The following KCNAB1 variants were observed in gnomAD, a reference collection of about 807,000 sequenced individuals.
KCNAB1 encodes the protein voltage-gated potassium channel subunit beta-1.
KCNAB1 carries 35 observed loss-of-function variants against 64.6 expected under a neutral mutation model. That is an observed-to-expected ratio of 0.54 (90% confidence interval 0.41 to 0.72). The LOEUF (loss-of-function observed/expected upper bound fraction) is 0.72, where lower values mean the gene tolerates loss of function less well. Ranked by LOEUF, KCNAB1 falls within the 30% of genes least tolerant of loss-of-function variation. KCNAB1 has a pLI of 0.00. For synonymous variants in KCNAB1, 177 were observed against 183.8 expected (o/e 0.96, Z 0.30); for missense variants, 401 against 512.9 (o/e 0.78, Z 2.11).
chr3:156,166,769 A>T (rs980373326), intron 1 of KCNAB1, among the ~76,000 whole-genome samples: 6 of 152,326 alleles, frequency 3.9e-5, no homozygotes, highest in Middle Eastern at 3.4e-3. Context: ...GTATGGAGTG[A>T]ATAAATTGGT....
chr3:156,424,156 A>C (rs571802035), intron 2 of KCNAB1, among the ~76,000 whole-genome samples: 122 of 152,186 alleles, frequency 8.0e-4, no homozygotes, highest in Admixed American at 8.5e-4. Flanking sequence ...CTCACTAAAA[A>C]GTACAGCAAA....
chr3:156,366,207 T>G (rs1165049362), intron 1 of KCNAB1, among the ~76,000 whole-genome samples: 1 of 152,234 alleles, frequency 6.6e-6, no homozygotes. Flanking sequence ...TGAAACTGTA[T>G]GTTCACTCCT....
In KCNAB1 at chr3:156,515,202, G is replaced by A; in HGVS notation, c.847G>A (p.Glu283Lys). 6.2e-7 allele frequency: 1 copy of A among 1,612,268 alleles called. No homozygotes were observed. Among genetic ancestry groups the A allele is most frequent in the Non-Finnish European group, 8.5e-7 (1 of 1,179,306 alleles). Residue 283 changes from glutamate (E) to lysine (K), a missense_variant, in exon 10 of 14, where the codon GAG becomes AAG. Glu to Lys is a moderately conservative substitution (Grantham distance 56). Coordinates refer to ENST00000490337, the MANE Select transcript of KCNAB1 (RefSeq NM_172160.3). The part of the protein sequence containing the change: ...QREKVEVQLP[E>K]LYHKIGVGAM... ...AGAGAAAGTGGAGGTCCAGCTGCCA[G>A]AGCTCTACCACAAAATAGGTAATCT...
chr3:156,482,003 T>C (rs1471183709), intron 8 of KCNAB1, among the ~76,000 whole-genome samples: 1 of 152,142 alleles, frequency 6.6e-6, no homozygotes, highest in Non-Finnish European at 1.5e-5. Flanking sequence ...TCCAAGGCCC[T>C]GAAATTATAA....
intron 2 of KCNAB1, among the ~76,000 whole-genome samples, chr3:156,450,867 C>G (rs937741742): frequency 6.6e-5 from 10 of 150,694 alleles, no homozygotes; most frequent in Admixed American, 6.0e-4. Context: ...CCACCCACCC[C>G]CCCCCAAAAA....
intron 1 of KCNAB1, among the ~76,000 whole-genome samples, chr3:156,206,544 G>A (rs959757195): frequency 4.6e-5 from 7 of 152,194 alleles, no homozygotes; most frequent in Non-Finnish European, 8.8e-5. Flanking sequence ...CAAGGCTAAA[G>A]CTAGTTCTGC....
At chr3:156,368,059 A>G (rs955603411) in intron 1 of KCNAB1, among the ~76,000 whole-genome samples, 2 of 152,234 alleles carry the variant, frequency 1.3e-5, no homozygotes, top group Admixed American at 6.5e-5. Flanking sequence ...TATCACAGAA[A>G]AGATGGAATG....
At chr3:156,175,214 A>G (rs902333842) in intron 1 of KCNAB1, among the ~76,000 whole-genome samples, 3 of 152,226 alleles carry the variant, frequency 2.0e-5, no homozygotes, top group African/African-American at 7.2e-5. Context: ...AAATACAGAA[A>G]GAAAATATCC....
intron 1 of KCNAB1, among the ~76,000 whole-genome samples, chr3:156,220,676 C>A (rs975291460): frequency 1.3e-5 from 2 of 152,198 alleles, no homozygotes; most frequent in Non-Finnish European, 2.9e-5. Context: ...TGCGTGTTTA[C>A]TCTGATGACA....
intron 1 of KCNAB1, among the ~76,000 whole-genome samples, chr3:156,307,234 CAT>C (rs1233630695): frequency 6.6e-6 from 1 of 152,106 alleles, no homozygotes; most frequent in East Asian, 1.9e-4. Context: ...AAGATGAGGA[CAT>C]ATGCTTCATA....
At chr3:156,365,310 A>T (rs528477608) in intron 1 of KCNAB1, among the ~76,000 whole-genome samples, 4 of 152,342 alleles carry the variant, frequency 2.6e-5, no homozygotes, top group Admixed American at 2.6e-4. Flanking sequence ...TTAATGACGG[A>T]ACATGTGTAA....
chr3:156,228,475 C>T (rs1045383915), intron 1 of KCNAB1, among the ~76,000 whole-genome samples: 4 of 152,194 alleles, frequency 2.6e-5, no homozygotes, highest in Non-Finnish European at 5.9e-5. Context: ...TGGTCGAAAG[C>T]AAGCCTGGTC....
At chr3:156,418,297 AT>A (rs905735247) in intron 1 of KCNAB1, among the ~76,000 whole-genome samples, 33 of 152,340 alleles carry the variant, frequency 2.2e-4, no homozygotes, top group African/African-American at 7.9e-4. Flanking sequence ...GTCACATAAG[AT>A]TATGAGGTAT....
At chr3:156,398,749 TA>T (rs1025111450) in intron 1 of KCNAB1, among the ~76,000 whole-genome samples, 2 of 151,876 alleles carry the variant, frequency 1.3e-5, no homozygotes, top group African/African-American at 4.8e-5. Context: ...ATTTACTAAT[TA>T]AAAAAATAAA....
intron 1 of KCNAB1, among the ~76,000 whole-genome samples, chr3:156,230,169 T>C (rs1716435543): frequency 6.6e-6 from 1 of 152,240 alleles, no homozygotes; most frequent in Non-Finnish European, 1.5e-5. Context: ...TGTTCATTTA[T>C]CTATTCATTT....
intron 1 of KCNAB1, among the ~76,000 whole-genome samples, chr3:156,135,092 G>A (rs1714257655): frequency 6.6e-6 from 1 of 151,942 alleles, no homozygotes; most frequent in South Asian, 2.1e-4. Flanking sequence ...CGCTTCCTGG[G>A]TTCAAGTGAT....
At chr3:156,218,801 A>AAAAAAAAAAAAAAAAAAAAAT (rs371264941) in intron 1 of KCNAB1, among the ~76,000 whole-genome samples, 1 of 112,246 alleles carries the variant, frequency 8.9e-6, no homozygotes, top group Non-Finnish European at 1.7e-5. Context: ...AAAAAAAAAA[A>AAAAAAAAAAAAAAAAAAAAAT]AATAATAATA....
At chr3:156,232,840 G>A (rs956648999) in intron 1 of KCNAB1, among the ~76,000 whole-genome samples, 72 of 152,160 alleles carry the variant, frequency 4.7e-4, no homozygotes, top group African/African-American at 1.7e-3. Flanking sequence ...AAATAAAATT[G>A]GAATATAAAA....
chr3:156,263,725 C>T (rs1416740578), intron 1 of KCNAB1, among the ~76,000 whole-genome samples: 1 of 151,994 alleles, frequency 6.6e-6, no homozygotes, highest in Non-Finnish European at 1.5e-5. Context: ...TGCATGTCCT[C>T]CCATATACTT....
Sources: gnomAD v4.1 joint callset for allele counts (sites outside exome capture counted in the v4.1 genomes callset) on GRCh38, gnomAD v4.1.1 for gene constraint, MANE v1.5 for transcripts, NCBI Gene and HGNC (gene_info 2026-07-23, HGNC 2026-07-21) for gene names.